STX2: variants seen among roughly 807,000 people sequenced by gnomAD.
STX2 encodes syntaxin-2.
Under a neutral mutation model 40.6 loss-of-function variants are expected in STX2, and 27 were observed. The ratio of observed to expected loss-of-function variants is 0.66; its 90% confidence interval spans 0.49 to 0.92. The LOEUF (loss-of-function observed/expected upper bound fraction) is 0.92, where lower values mean the gene tolerates loss of function less well. STX2 is among the 40% of genes least tolerant of loss of function. The pLI is 0.00. For synonymous variants in STX2, 123 were observed against 119.1 expected (o/e 1.03, Z -0.22); for missense variants, 328 against 366.1 (o/e 0.90, Z 0.85).
intron 1 of STX2, 77 bp from the exon 2 acceptor site, chr12:130,827,344 G>T (rs574226003): frequency 1.8e-6 from 2 of 1,117,318 alleles, no homozygotes; most frequent in South Asian, 2.6e-5. Flanking sequence ...TACAAAAACA[G>T]TTCAATACCC....
At chr12:130,822,943 A>G (rs148937189) in intron 2 of STX2, among the ~76,000 whole-genome samples, 11 of 152,246 alleles carry the variant, frequency 7.2e-5, no homozygotes, top group African/African-American at 2.7e-4. Flanking sequence ...CAGCTACAGA[A>G]GCAGCAAGGT....
At chr12:130,837,367 T>C (rs1952784975) in intron 1 of STX2, among the ~76,000 whole-genome samples, 1 of 152,098 alleles carries the variant, frequency 6.6e-6, no homozygotes, top group Non-Finnish European at 1.5e-5. Context: ...AATCTCGGCT[T>C]TCTGCAACCT....
intron 9 of STX2, among the ~76,000 whole-genome samples, chr12:130,796,403 T>C (rs539675456): frequency 6.6e-6 from 1 of 152,206 alleles, no homozygotes; most frequent in African/African-American, 2.4e-5. Flanking sequence ...GGAGAATCAC[T>C]TGAACCCAGG....
chr12:130,811,357 CAAA>C (rs35156542), intron 4 of STX2, among the ~76,000 whole-genome samples: 1 of 98,452 alleles, frequency 1.0e-5, no homozygotes, highest in Non-Finnish European at 1.9e-5. Context: ...GACTCTGTCT[CAAA>C]AAAAAAAAAA....
At chr12:130,837,014 C>T (rs1952774423) in intron 1 of STX2, among the ~76,000 whole-genome samples, 1 of 151,858 alleles carries the variant, frequency 6.6e-6, no homozygotes, top group Admixed American at 6.6e-5. Flanking sequence ...CTATTCAAGC[C>T]AAGAAAACGT....
At chr12:130,837,844 AT>A (rs1388861116) in intron 1 of STX2, among the ~76,000 whole-genome samples, 2 of 152,240 alleles carry the variant, frequency 1.3e-5, no homozygotes, top group Non-Finnish European at 2.9e-5. Flanking sequence ...CACAGGGAAT[AT>A]TTGTCCATTA....
At chr12:130,835,515 A>C (rs1292166975) in intron 1 of STX2, among the ~76,000 whole-genome samples, 1 of 152,238 alleles carries the variant, frequency 6.6e-6, no homozygotes, top group Non-Finnish European at 1.5e-5. Flanking sequence ...CAATGTTCAT[A>C]AACTTTTTTT....
intron 1 of STX2, 76 bp downstream of exon 1, chr12:130,838,994 G>A: frequency 3.4e-4 from 167 of 494,712 alleles, no homozygotes; most frequent in Non-Finnish European, 4.3e-4. Context: ...CCCCGCCCAA[G>A]ACGCCCCGAG....
chr12:130,831,262 C>T lies in STX2; in HGVS notation c.31-3995G>A, dbSNP rs111616694. Among the ~76,000 whole-genome samples, 670 of 152,306 alleles carry T rather than the reference C, an allele frequency of 4.4e-3. 9 individuals are homozygous for T. Among genetic ancestry groups the T allele is most frequent in the African/African-American group, 0.016 (647 of 41,556 alleles). On this transcript the variant is annotated intron_variant, in intron 1 of 10. Transcript: ENST00000392373. Reference sequence around the variant, plus strand: ...AATTGTGGGCAAATAAATTATAAACCTTGACATATACACAGTGGTTTTAGT... The same window carrying T: ...AATTGTGGGCAAATAAATTATAAACTTTGACATATACACAGTGGTTTTAGT...
intron 3 of STX2, among the ~76,000 whole-genome samples, chr12:130,814,706 G>A (rs776789655): frequency 7.7e-6 from 1 of 130,194 alleles, no homozygotes; most frequent in Non-Finnish European, 1.5e-5. Flanking sequence ...GCACAATCTC[G>A]ACTCGTTGCA....
At position 130,830,047 on chromosome 12, in the gene STX2, A is replaced by T. The variant is rs1356498237; in HGVS notation, c.31-2780T>A. 3.9e-5 allele frequency among the ~76,000 whole-genome samples: 6 copies of T among 152,330 alleles called. No homozygotes were observed. In the East Asian group the frequency reaches 9.6e-4, roughly 24 times the overall value. ...GGAAACTGTAAACATATACAAAAGT[A>T]GAAGGAATACTATGGTGAGCCCTCA... On this transcript the variant is annotated intron_variant, in intron 1 of 10. Transcript: ENST00000392373.
chr12:130,813,141 T>C, intron 3 of STX2, 110 bp from the exon 4 acceptor site: 1 of 698,148 alleles, frequency 1.4e-6, no homozygotes, highest in Non-Finnish European at 2.1e-6. Context: ...AAATATTCAC[T>C]TTTTTTCTGT....
intron 3 of STX2, 82 bp downstream of exon 3, chr12:130,821,607 G>T: frequency 8.8e-7 from 1 of 1,137,754 alleles, no homozygotes; most frequent in Non-Finnish European, 1.3e-6. Context: ...CTCCCGTGAG[G>T]CCAGAGTTGA....
At chr12:130,795,848 C>G in intron 10 of STX2, 147 bp downstream of exon 10, 1 of 992,872 alleles carries the variant, frequency 1.0e-6, no homozygotes, top group Non-Finnish European at 1.4e-6. Flanking sequence ...CTCGAATCAG[C>G]ACACAGGCAG....
rs980879711 is a variant in STX2 at position 130,791,644 on chromosome 12, G to C, written c.*379C>G. 1 of 345,618 alleles carries C rather than the reference G, an allele frequency of 2.9e-6. No individual in the cohort carries two copies. The highest frequency in any genetic ancestry group is 2.1e-5 in the African/African-American group (1 of 47,464). 21.4% of individuals were successfully genotyped at this position (345,618 alleles called of 1,614,324 possible). ...AATGTTCAATATTTTCTTATTTCAAGGCCAGTGAGAGAAGTCTCACACTGC... is the reference window on the plus strand; with the variant it reads ...AATGTTCAATATTTTCTTATTTCAACGCCAGTGAGAGAAGTCTCACACTGC... On this transcript the variant is annotated 3_prime_UTR_variant, in exon 11 of 11. Coordinates refer to ENST00000392373, the MANE Select transcript of STX2 (RefSeq NM_194356.4).
intron 6 of STX2, among the ~76,000 whole-genome samples, chr12:130,804,495 G>T (rs1261927047): frequency 6.6e-6 from 1 of 152,116 alleles, no homozygotes; most frequent in Non-Finnish European, 1.5e-5. Context: ...GTGTTGTCAA[G>T]CAAGTCAGAA....
At chr12:130,834,182 G>A (rs1452999327) in intron 1 of STX2, among the ~76,000 whole-genome samples, 2 of 152,024 alleles carry the variant, frequency 1.3e-5, no homozygotes, top group African/African-American at 4.8e-5. Context: ...TCGGGAGTTC[G>A]AGACCAGCCT....
At chr12:130,801,655 G>A (rs1349255880) in intron 6 of STX2, among the ~76,000 whole-genome samples, 167 bp from the exon 7 acceptor site, 1 of 152,178 alleles carries the variant, frequency 6.6e-6, no homozygotes, top group Admixed American at 6.5e-5. Flanking sequence ...ACCTAAGATT[G>A]AGGAGCAAGA....
chr12:130,795,531 G>A (rs7971684), intron 10 of STX2, among the ~76,000 whole-genome samples: 7,817 of 152,136 alleles, frequency 0.051, 626 homozygotes, highest in African/African-American at 0.17. Context: ...CCAGGAATTC[G>A]AGACCAGCCT....
Sources: gnomAD v4.1 joint callset for allele counts (sites outside exome capture counted in the v4.1 genomes callset) on GRCh38, gnomAD v4.1.1 for gene constraint, MANE v1.5 for transcripts, NCBI Gene and HGNC (gene_info 2026-07-23, HGNC 2026-07-21) for gene names.